Variants in KCNC2 observed in about 807,000 individuals in gnomAD.
The protein encoded by KCNC2 is potassium voltage-gated channel subfamily C member 2, also known as voltage-gated potassium channel KCNC2.
A neutral mutation model predicts 44.5 loss-of-function variants in KCNC2; 21 were observed. The observed-to-expected ratio is 0.47, with a 90% confidence interval of 0.33 to 0.68. The LOEUF (loss-of-function observed/expected upper bound fraction) is 0.68. KCNC2 is among the 30% of genes least tolerant of loss of function. The pLI is 0.01. For missense variants in KCNC2, 589 were observed against 826.2 expected (o/e 0.71, Z 3.52); for synonymous variants, 391 against 339.1 (o/e 1.15, Z -1.68).
intron 2 of KCNC2, among the ~76,000 whole-genome samples, chr12:75,092,649 A>C (rs568514487): frequency 1.3e-5 from 2 of 151,610 alleles, no homozygotes; most frequent in Non-Finnish European, 3.0e-5. Context: ...TAATTATGAT[A>C]CTCAATTGTA....
At chr12:75,208,625 C>A (rs1197344143) in intron 1 of KCNC2, among the ~76,000 whole-genome samples, 5 of 148,386 alleles carry the variant, frequency 3.4e-5, no homozygotes, top group Non-Finnish European at 7.4e-5. Flanking sequence ...CCTAGGTCAA[C>A]CCCGGACCCC....
intron 2 of KCNC2, among the ~76,000 whole-genome samples, chr12:75,164,058 C>T (rs986343477): frequency 1.1e-4 from 17 of 151,624 alleles, no homozygotes; most frequent in Admixed American, 1.1e-3. Context: ...AAGCTCTTTT[C>T]AAAGAGTTAC....
chr12:75,192,654 A>G (rs2030396790), intron 2 of KCNC2, among the ~76,000 whole-genome samples: 2 of 152,208 alleles, frequency 1.3e-5, no homozygotes, highest in African/African-American at 4.8e-5. Flanking sequence ...TAATTTTCTC[A>G]GTAGGATTGT....
intron 2 of KCNC2, among the ~76,000 whole-genome samples, chr12:75,072,642 A>T (rs985400913): frequency 6.6e-6 from 1 of 152,142 alleles, no homozygotes; most frequent in South Asian, 2.1e-4. Context: ...CATATAAAAA[A>T]AAAGGTCACT....
At chr12:75,118,248 C>T (rs1887815763) in intron 2 of KCNC2, among the ~76,000 whole-genome samples, 1 of 152,046 alleles carries the variant, frequency 6.6e-6, no homozygotes, top group South Asian at 2.1e-4. Flanking sequence ...TACAGAATAA[C>T]CTACAATGAG....
chr12:75,158,725 C>T (rs1228415716), intron 2 of KCNC2, among the ~76,000 whole-genome samples: 1 of 151,746 alleles, frequency 6.6e-6, no homozygotes, highest in Non-Finnish European at 1.5e-5. Context: ...GAAGCTTTAT[C>T]TGAAAATGGA....
intron 2 of KCNC2, among the ~76,000 whole-genome samples, chr12:75,067,539 T>C (rs1252956511): frequency 6.6e-6 from 1 of 152,166 alleles, no homozygotes; most frequent in Non-Finnish European, 1.5e-5. Flanking sequence ...GAAAGGCTTC[T>C]CTGTGGAGGA....
intron 2 of KCNC2, among the ~76,000 whole-genome samples, chr12:75,160,781 A>T (rs1308465091): frequency 3.3e-5 from 5 of 151,862 alleles, no homozygotes; most frequent in Non-Finnish European, 7.4e-5. Flanking sequence ...TAAGAGGAAT[A>T]CAAGTATTTA....
chr12:75,195,461 C>T (rs1236277541), intron 2 of KCNC2, among the ~76,000 whole-genome samples: 1 of 152,090 alleles, frequency 6.6e-6, no homozygotes, highest in African/African-American at 2.4e-5. Context: ...ACCATTGAAT[C>T]TTGAATGAGA....
intron 2 of KCNC2, among the ~76,000 whole-genome samples, chr12:75,194,287 T>C (rs767850796): frequency 2.6e-5 from 4 of 152,054 alleles, no homozygotes; most frequent in Non-Finnish European, 5.9e-5. Flanking sequence ...ACCCATACAC[T>C]GAGGGCAAGG....
chr12:75,103,301 G>T (rs1034476709), intron 2 of KCNC2, among the ~76,000 whole-genome samples: 1 of 152,150 alleles, frequency 6.6e-6, no homozygotes, highest in African/African-American at 2.4e-5. Flanking sequence ...CCCCCTATTT[G>T]TTAAGTAGAA....
chr12:75,117,084 T>C (rs968017011), intron 2 of KCNC2, among the ~76,000 whole-genome samples: 8 of 139,932 alleles, frequency 5.7e-5, no homozygotes, highest in African/African-American at 1.8e-4. Context: ...TCTTGCATTG[T>C]GGTTTAAAAA....
chr12:75,182,803 A>G (rs1301810254), intron 2 of KCNC2, among the ~76,000 whole-genome samples: 4 of 152,246 alleles, frequency 2.6e-5, no homozygotes, highest in African/African-American at 9.6e-5. Context: ...GGATAAATAA[A>G]GAAAACTATA....
intron 2 of KCNC2, among the ~76,000 whole-genome samples, chr12:75,170,737 G>A (rs1891759128): frequency 6.6e-6 from 1 of 151,026 alleles, no homozygotes; most frequent in Non-Finnish European, 1.5e-5. Context: ...GCCAAGAGAT[G>A]TTAACTTTTG....
At chr12:75,134,689 G>A (rs1889105195) in intron 2 of KCNC2, among the ~76,000 whole-genome samples, 1 of 151,794 alleles carries the variant, frequency 6.6e-6, no homozygotes, top group African/African-American at 2.4e-5. Flanking sequence ...TTTTAAAATA[G>A]TCTTCAGTCT....
chr12:75,042,827 A>G lies in KCNC2; in HGVS notation c.*278T>C. 3.2e-6 allele frequency: 4 copies of G among 1,252,488 alleles called. No homozygotes were observed. Among genetic ancestry groups the G allele is most frequent in the Non-Finnish European group, 4.0e-6 (4 of 996,470 alleles). 77.6% of individuals were successfully genotyped at this position (1,252,488 alleles called of 1,614,324 possible). A position where few individuals can be genotyped will look rare whatever the true frequency, so the allele number is the denominator to read the frequency against. On this transcript the variant is annotated 3_prime_UTR_variant, in exon 5 of 5. Transcript: ENST00000549446. Reference sequence around the variant, plus strand: ...TGAAGGTATGTTTATATATTAGTGCACTGGTCAATATCTGACACTATCTGT... The same window carrying G: ...TGAAGGTATGTTTATATATTAGTGCGCTGGTCAATATCTGACACTATCTGT...
At chr12:75,105,916 T>TC (rs1158541534) in intron 2 of KCNC2, among the ~76,000 whole-genome samples, 5 of 103,014 alleles carry the variant, frequency 4.9e-5, no homozygotes, top group African/African-American at 1.1e-4. Context: ...AATTTCTTTC[T>TC]TTTTTTTTTT....
intron 2 of KCNC2, among the ~76,000 whole-genome samples, chr12:75,107,261 G>A (rs141126889): frequency 2.6e-5 from 4 of 152,038 alleles, no homozygotes; most frequent in East Asian, 1.9e-4. Flanking sequence ...CCAAGATCAC[G>A]CCACTGCAAT....
intron 2 of KCNC2, among the ~76,000 whole-genome samples, chr12:75,146,748 C>T (rs537228091): frequency 2.0e-5 from 3 of 152,220 alleles, no homozygotes; most frequent in Middle Eastern, 3.4e-3. Flanking sequence ...TTTTAACTTC[C>T]ACCAGCAGTA....
Sources: gnomAD v4.1 joint callset for allele counts (sites outside exome capture counted in the v4.1 genomes callset) on GRCh38, gnomAD v4.1.1 for gene constraint, MANE v1.5 for transcripts, NCBI Gene and HGNC (gene_info 2026-07-23, HGNC 2026-07-21) for gene names.